PTPN9: variants seen among roughly 807,000 people sequenced by gnomAD.
PTPN9 encodes the protein protein tyrosine phosphatase non-receptor type 9.
PTPN9 carries 26 observed loss-of-function variants against 69.8 expected under a neutral mutation model. The observed-to-expected ratio is 0.37, with a 90% CI of 0.27 to 0.52. The LOEUF (loss-of-function observed/expected upper bound fraction) is 0.52. PTPN9 is among the 20% of genes least tolerant of loss of function. The pLI, the probability that PTPN9 is intolerant of heterozygous loss-of-function variation, is 0.91. For missense variants in PTPN9, 549 were observed against 740.3 expected (o/e 0.74, Z 3.00); for synonymous variants, 274 against 272.5 (o/e 1.01, Z -0.05).
At chr15:75,503,884 C>T (rs1405131730) in intron 7 of PTPN9, among the ~76,000 whole-genome samples, 5 of 117,962 alleles carry the variant, frequency 4.2e-5, no homozygotes, top group Admixed American at 8.7e-5. Context: ...CCCGGCCAGC[C>T]GCCCCGTCCG....
At chr15:75,521,378 G>T (rs2074904430) in intron 4 of PTPN9, among the ~76,000 whole-genome samples, 1 of 151,902 alleles carries the variant, frequency 6.6e-6, no homozygotes, top group African/African-American at 2.4e-5. Flanking sequence ...CACGAACCCG[G>T]GAGTCGGAGC....
At chr15:75,477,032 C>T (rs1370076662) in intron 9 of PTPN9, among the ~76,000 whole-genome samples, 1 of 152,170 alleles carries the variant, frequency 6.6e-6, no homozygotes, top group Non-Finnish European at 1.5e-5. Flanking sequence ...TAACAGTAAA[C>T]TTCTCTCAAG....
intron 7 of PTPN9, among the ~76,000 whole-genome samples, chr15:75,502,985 A>G (rs2074782214): frequency 6.6e-6 from 1 of 152,174 alleles, no homozygotes; most frequent in Non-Finnish European, 1.5e-5. Flanking sequence ...TCAGCTCACT[A>G]CAACCTCCAT....
chr15:75,550,312 C>T (rs1448857744), intron 1 of PTPN9, among the ~76,000 whole-genome samples: 1 of 150,494 alleles, frequency 6.6e-6, no homozygotes, highest in Admixed American at 6.6e-5. Flanking sequence ...ATTACAGGCA[C>T]CCGCCACTAC....
At chr15:75,493,879 G>A (rs765366739) in intron 7 of PTPN9, among the ~76,000 whole-genome samples, 17 of 152,050 alleles carry the variant, frequency 1.1e-4, no homozygotes, top group Non-Finnish European at 2.4e-4. Flanking sequence ...TGTAAATGAA[G>A]TTTTACTGGA....
intron 7 of PTPN9, among the ~76,000 whole-genome samples, chr15:75,491,402 C>CAAA (rs11414287): frequency 5.3e-5 from 7 of 132,242 alleles, no homozygotes; most frequent in Admixed American, 1.6e-4. Context: ...GACTTTATCT[C>CAAA]AAAAAAAAAA....
intron 1 of PTPN9, among the ~76,000 whole-genome samples, chr15:75,539,959 C>A (rs2075001417): frequency 6.6e-6 from 1 of 152,180 alleles, no homozygotes; most frequent in African/African-American, 2.4e-5. Context: ...CGATTATAGG[C>A]AAGAGCCGCC....
chr15:75,570,615 A>G (rs754597513), intron 1 of PTPN9, among the ~76,000 whole-genome samples: 4 of 151,850 alleles, frequency 2.6e-5, no homozygotes, highest in Non-Finnish European at 5.9e-5. Flanking sequence ...CAAAAAATAT[A>G]ACAAATTAGT....
rs1360568062 is a variant in PTPN9 at position 75,527,195 on chromosome 15, A to G, written c.130T>C (p.Trp44Arg). 2 of 1,614,180 alleles carry G rather than the reference A, an allele frequency of 1.2e-6. No individual in the cohort carries two copies. Among genetic ancestry groups the G allele is most frequent in the Admixed American group, 1.7e-5 (1 of 60,006 alleles). ...ATGAGGAACTTGACAGCCACATTCCAAGACAGCGGGGAAACATTGTACTGA... is the reference window on the plus strand; with the variant it reads ...ATGAGGAACTTGACAGCCACATTCCGAGACAGCGGGGAAACATTGTACTGA... ...TVQYNVSPLS[W>R]NVAVKFLMAR... The change falls in exon 2 of 13, where the codon TGG becomes CGG. Residue 44 changes from tryptophan to arginine, a missense_variant. Around this residue, in one of 3 missense-constraint regions of PTPN9, gnomAD observed 457 missense variants for 661.9 expected, o/e 0.69. Coordinates refer to ENST00000618819, the MANE Select transcript of PTPN9 (RefSeq NM_002833.4).
At chr15:75,479,811 G>C in intron 9 of PTPN9, 37 bp downstream of exon 9, 1 of 1,517,106 alleles carries the variant, frequency 6.6e-7, no homozygotes, top group East Asian at 2.3e-5. Flanking sequence ...ATAAGTAGAT[G>C]GCACAAAATC....
intron 9 of PTPN9, among the ~76,000 whole-genome samples, chr15:75,476,515 A>C (rs1567465148): frequency 6.6e-6 from 1 of 152,036 alleles, no homozygotes; most frequent in Non-Finnish European, 1.5e-5. Flanking sequence ...GGGTTTCATC[A>C]TGTTGGCCAG....
intron 5 of PTPN9, among the ~76,000 whole-genome samples, chr15:75,511,918 G>A (rs189848945): frequency 1.3e-5 from 2 of 150,832 alleles, no homozygotes; most frequent in Non-Finnish European, 3.0e-5. Context: ...GGAGTGTAGT[G>A]GCACGATATC....
Position 75,479,867 on chromosome 15 carries a change from A to G in PTPN9, c.1110T>C (p.Asn370=). ...GCTTACCTTGTGTGCCAATGTAAGC[A>G]TTCTTCTGCTTGTAGCCATCCATGA... ...ASFMDGYKQK[N]AYIGTQGPLE... is the part of the protein sequence containing the mutation. The change falls in exon 9 of 13, where the codon AAT becomes AAC. Residue 370 remains asparagine (N), a synonymous_variant. Coordinates refer to ENST00000618819, the MANE Select transcript of PTPN9 (RefSeq NM_002833.4). The G allele has an allele frequency of 6.2e-7, 1 of 1,611,054 alleles. No individual in the cohort carries two copies. The highest frequency in any genetic ancestry group is 8.5e-7 in the Non-Finnish European group (1 of 1,178,656).
In PTPN9 at chr15:75,508,970, G is replaced by A; in HGVS notation, c.586C>T (p.Arg196Ter). 2 of 1,614,090 alleles carry A rather than the reference G, an allele frequency of 1.2e-6. No individual in the cohort carries two copies. Among genetic ancestry groups the A allele is most frequent in the South Asian group, 1.1e-5 (1 of 91,060 alleles). The change falls in exon 6 of 13, where the codon CGA (arginine) becomes TGA (stop). Residue 196 changes from arginine to a stop codon, truncating the protein, a stop_gained. Coordinates refer to ENST00000618819, the MANE Select transcript of PTPN9 (RefSeq NM_002833.4). LOFTEE classifies it high-confidence loss of function. ...AGACTGATGATGGAATAGGGCACTC[G>A]GAACCATATGGGTGCCCCCACAATC... ...VLIVGAPIWF[R>*]VPYSIISLLL...
At chr15:75,569,510 G>A (rs1400808994) in intron 1 of PTPN9, among the ~76,000 whole-genome samples, 1 of 151,902 alleles carries the variant, frequency 6.6e-6, no homozygotes, top group African/African-American at 2.4e-5. Flanking sequence ...TTCAAGAGCA[G>A]CCTGGCCAAT....
intron 1 of PTPN9, among the ~76,000 whole-genome samples, chr15:75,562,955 CA>C (rs1456550719): frequency 2.0e-5 from 3 of 152,090 alleles, no homozygotes; most frequent in East Asian, 1.9e-4. Context: ...ATTTTAGGTT[CA>C]GGGGGTACAT....
At chr15:75,578,186 C>A (rs1402939703) in intron 1 of PTPN9, among the ~76,000 whole-genome samples, 1 of 152,174 alleles carries the variant, frequency 6.6e-6, no homozygotes, top group Non-Finnish European at 1.5e-5. Context: ...TCTTCCATAA[C>A]CTGCCCAAGT....
At chr15:75,576,867 CTT>C (rs1315508167) in intron 1 of PTPN9, among the ~76,000 whole-genome samples, 2 of 151,982 alleles carry the variant, frequency 1.3e-5, no homozygotes, top group Non-Finnish European at 2.9e-5. Flanking sequence ...AGAGAGTACT[CTT>C]ATGTGATATT....
At position 75,548,407 on chromosome 15, in the gene PTPN9, C is replaced by T. The variant is rs552866113; in HGVS notation, c.64-21146G>A. Among the ~76,000 whole-genome samples, 8 of 151,844 alleles carry T rather than the reference C, an allele frequency of 5.3e-5. No individual in the cohort carries two copies. The East Asian group carries it at 1.6e-3, about 30-fold the overall frequency. On this transcript the variant is annotated intron_variant, in intron 1 of 12. Transcript: ENST00000618819. Reference sequence around the variant, plus strand: ...AGTAGCTGGGATTACAGGCGCCCACCACCATGCCCAGCTAATTTTTGCACT... The same window carrying T: ...AGTAGCTGGGATTACAGGCGCCCACTACCATGCCCAGCTAATTTTTGCACT...
Sources: allele counts gnomAD v4.1 joint callset (sites outside exome capture counted in the v4.1 genomes callset), GRCh38; gene constraint gnomAD v4.1.1; regional missense constraint gnomAD v4.1.1; transcripts MANE v1.5; gene names NCBI Gene and HGNC (gene_info 2026-07-23, HGNC 2026-07-21).